Variants in STAB2 observed in about 807,000 individuals in gnomAD.
The protein encoded by STAB2 is stabilin-2.
Under a neutral mutation model 338.1 loss-of-function variants are expected in STAB2, and 288 were observed. That is an observed-to-expected ratio of 0.85 (90% confidence interval 0.77 to 0.94). The LOEUF (loss-of-function observed/expected upper bound fraction) is 0.94, where lower values mean the gene tolerates loss of function less well. Ranked by LOEUF, STAB2 falls within the 40% of genes least tolerant of loss-of-function variation. The pLI is 0.00. For missense variants in STAB2, 3,141 were observed against 3,210.1 expected (o/e 0.98, Z 0.52); for synonymous variants, 1,202 against 1,193.3 (o/e 1.01, Z -0.15).
intron 3 of STAB2, among the ~76,000 whole-genome samples, chr12:103,600,549 C>A (rs1326973935): frequency 1.3e-5 from 2 of 152,188 alleles, no homozygotes; most frequent in Non-Finnish European, 2.9e-5. Context: ...AAACACCTCC[C>A]AAAGGCCCCA....
In STAB2 at chr12:103,650,551, T is replaced by A; in HGVS notation, c.1230T>A (p.Pro410=). The change falls in exon 11 of 69, where the codon CCT becomes CCA. Residue 410 remains proline (P), a synonymous_variant. Transcript: ENST00000388887. ...SKLGPFTVLL[P]TDKGLKGFNV... ...TGGGACCCTTCACGGTGCTGTTACC[T>A]ACAGACAAGGGACTGAAAGGATTCA... 6.2e-7 allele frequency: 1 copy of A among 1,613,190 alleles called. No individual in the cohort carries two copies. Among genetic ancestry groups the A allele is most frequent in the Non-Finnish European group, 8.5e-7 (1 of 1,179,260 alleles).
At chr12:103,652,253 C>T (rs1427430001) in intron 11 of STAB2, among the ~76,000 whole-genome samples, 1 of 152,212 alleles carries the variant, frequency 6.6e-6, no homozygotes, top group Non-Finnish European at 1.5e-5. Context: ...CATTGCGATG[C>T]TGTGCTTTCC....
chr12:103,725,006 G>A lies in STAB2; in HGVS notation c.4715G>A (p.Cys1572Tyr). Reference sequence around the variant, plus strand: ...GGCGGCTGTAGTGAATTTGCCATCTGCAACCACACTGGGCAAGTAGAAAGG... The same window carrying A: ...GGCGGCTGTAGTGAATTTGCCATCTACAACCACACTGGGCAAGTAGAAAGG... ...KNGGCSEFAI[C>Y]NHTGQVERTC... Residue 1572 changes from cysteine (C) to tyrosine (Y), a missense_variant, in exon 45 of 69, where the codon TGC becomes TAC. Coordinates refer to ENST00000388887, the MANE Select transcript of STAB2 (RefSeq NM_017564.10). The A allele has an allele frequency of 6.2e-7, 1 of 1,613,994 alleles. No individual in the cohort carries two copies. Among genetic ancestry groups the A allele is most frequent in the Non-Finnish European group, 8.5e-7 (1 of 1,179,854 alleles).
chr12:103,714,080 C>T (rs1265335278), intron 42 of STAB2, among the ~76,000 whole-genome samples: 1 of 152,182 alleles, frequency 6.6e-6, no homozygotes, highest in Non-Finnish European at 1.5e-5. Flanking sequence ...AAAGAAAGCA[C>T]ATGTACTGGA....
At chr12:103,670,890 T>C (rs1199970782) in intron 22 of STAB2, 83 bp downstream of exon 22, 6 of 1,139,222 alleles carry the variant, frequency 5.3e-6, no homozygotes, top group South Asian at 1.3e-5. Flanking sequence ...GCAGGGCTGG[T>C]GTCTCAGGAC....
At chr12:103,724,597 T>G (rs1881033066) in intron 44 of STAB2, among the ~76,000 whole-genome samples, 1 of 152,212 alleles carries the variant, frequency 6.6e-6, no homozygotes, top group African/African-American at 2.4e-5. Flanking sequence ...ACCACCTGCC[T>G]TCTCTCTGAT....
intron 33 of STAB2, among the ~76,000 whole-genome samples, chr12:103,696,286 C>T (rs1041413829): frequency 1.3e-5 from 2 of 152,022 alleles, no homozygotes; most frequent in Admixed American, 6.5e-5. Flanking sequence ...GGTGGCTTCT[C>T]GGGGCTTTCA....
At chr12:103,694,965 A>G (rs1178721750) in intron 31 of STAB2, among the ~76,000 whole-genome samples, 1 of 152,120 alleles carries the variant, frequency 6.6e-6, no homozygotes, top group East Asian at 1.9e-4. Flanking sequence ...TACTCTCTGC[A>G]GCTGTGTGTC....
At chr12:103,625,521 C>A (rs1380541043) in intron 5 of STAB2, among the ~76,000 whole-genome samples, 1 of 152,172 alleles carries the variant, frequency 6.6e-6, no homozygotes, top group Non-Finnish European at 1.5e-5. Flanking sequence ...TCCCCCCACC[C>A]ACAACAGGCC....
rs1486122094 is a variant in STAB2, at chr12:103,674,076, T to G, written c.2541T>G (p.Asn847Lys). The change falls in exon 23 of 69, where the codon AAT becomes AAG. Residue 847 changes from asparagine (N) to lysine (K), a missense_variant. Asn to Lys is a moderately conservative substitution (Grantham distance 94). Transcript: ENST00000388887. ...CHIHATCEYS[N>K]GTASCICKAG... ...TCCACGCCACCTGTGAATACAGCAA[T>G]GGGACAGCCAGGTAGGTCTGTGAGG... 6.2e-7 allele frequency: 1 copy of G among 1,610,096 alleles called. No individual in the cohort carries two copies. Among genetic ancestry groups the G allele is most frequent in the Admixed American group, 1.7e-5 (1 of 59,954 alleles).
At chr12:103,674,875 T>C (rs557435686) in intron 23 of STAB2, among the ~76,000 whole-genome samples, 13 of 152,344 alleles carry the variant, frequency 8.5e-5, no homozygotes, top group African/African-American at 2.6e-4. Flanking sequence ...GACTGTCTCT[T>C]TTCCACAGTT....
At chr12:103,662,807 G>A (rs952843039) in intron 17 of STAB2, 39 bp from the exon 18 acceptor site, 4 of 1,610,956 alleles carry the variant, frequency 2.5e-6, no homozygotes, top group Non-Finnish European at 2.5e-6. Flanking sequence ...CTGCAGTACA[G>A]AATAGTACAG....
At chr12:103,674,145 G>A (rs187648554) in intron 23 of STAB2, 58 bp downstream of exon 23, 33 of 1,549,002 alleles carry the variant, frequency 2.1e-5, no homozygotes, top group Admixed American at 1.4e-4. Flanking sequence ...TAAGGGGATG[G>A]CACTTAATGA....
chr12:103,642,325 T>C (rs1295821302), intron 9 of STAB2, among the ~76,000 whole-genome samples: 1 of 152,174 alleles, frequency 6.6e-6, no homozygotes, highest in Non-Finnish European at 1.5e-5. Flanking sequence ...TTAACTAAAC[T>C]CAGCTGAAAA....
Position 103,740,713 on chromosome 12 carries a change from G to C in STAB2, c.5838G>C (p.Gln1946His). Residue 1946 changes from glutamine to histidine, a missense_variant, in exon 55 of 69, where the codon CAG becomes CAC. Coordinates refer to ENST00000388887, the MANE Select transcript of STAB2 (RefSeq NM_017564.10). Reference protein sequence around the residue: ...GCRERCSLVIQIPRCCKGYFG... With the variant: ...GCRERCSLVIHIPRCCKGYFG... ...GGGAGCGGTGCAGCCTGGTGATACAGATCCCCAGGTGCTGCAAGGGCTACT... is the reference window on the plus strand; with the variant it reads ...GGGAGCGGTGCAGCCTGGTGATACACATCCCCAGGTGCTGCAAGGGCTACT... The C allele has an allele frequency of 6.2e-7, 1 of 1,605,400 alleles. No homozygotes were observed. Among genetic ancestry groups the C allele is most frequent in the Non-Finnish European group, 8.5e-7 (1 of 1,177,036 alleles).
chr12:103,755,080 C>T, intron 61 of STAB2: 1 of 561,590 alleles, frequency 1.8e-6, no homozygotes, highest in East Asian at 2.9e-5. Context: ...GTATGAAAGA[C>T]CTGGGCACCT....
intron 39 of STAB2, among the ~76,000 whole-genome samples, chr12:103,711,043 C>A (rs954223961): frequency 1.3e-5 from 2 of 152,102 alleles, no homozygotes; most frequent in Non-Finnish European, 2.9e-5. Context: ...TGCTTGTTTA[C>A]AGCACTCCAT....
intron 55 of STAB2, among the ~76,000 whole-genome samples, chr12:103,741,854 T>TCCATTC (rs1186619655): frequency 3.9e-5 from 6 of 152,202 alleles, no homozygotes; most frequent in Non-Finnish European, 4.4e-5. Context: ...TGATTTTTAC[T>TCCATTC]AGCATGCATA....
rs1883555971 is a variant in STAB2, at chr12:103,750,687, G to A, written c.6547G>A (p.Ala2183Thr). 6.2e-7 allele frequency: 1 copy of A among 1,614,054 alleles called. No individual in the cohort carries two copies. The change falls in exon 60 of 69, where the codon GCA (alanine) becomes ACA (threonine). Residue 2183 changes from alanine to threonine, a missense_variant. Physicochemically the swap from Ala to Thr is moderately conservative, Grantham distance 58. Transcript: ENST00000388887. ...CTTACAGGACAATGGGCAGTGCCAT[G>A]CAGACGCCAAATGTGTCGACCTCCA... ...RCLQDNGQCHADAKCVDLHFQ... is the reference protein window; with the variant it reads ...RCLQDNGQCHTDAKCVDLHFQ...
Sources: allele counts gnomAD v4.1 joint callset (sites outside exome capture counted in the v4.1 genomes callset), GRCh38; gene constraint gnomAD v4.1.1; transcripts MANE v1.5; gene names NCBI Gene and HGNC (gene_info 2026-07-23, HGNC 2026-07-21).